Variants in ZNF227 observed in about 807,000 individuals in gnomAD.
The protein encoded by ZNF227 is zinc finger protein 227.
ZNF227 carries 12 observed loss-of-function variants against 13.2 expected under a neutral mutation model. The ratio of observed to expected loss-of-function variants is 0.91; its 90% CI spans 0.58 to 1.47. The LOEUF (loss-of-function observed/expected upper bound fraction) is 1.47. ZNF227 is among the 40% of genes most tolerant of loss of function. The pLI is 0.00. For missense variants in ZNF227, 885 were observed against 967.5 expected, an observed-to-expected ratio of 0.91 and a Z score of 1.13; for synonymous variants, 338 against 326.0, an observed-to-expected ratio of 1.04 and a Z score of -0.40.
At chr19:44,208,968 G>T (rs972027225), upstream of ZNF227, among the ~76,000 whole-genome samples, 1 of 152,176 alleles carries the variant, frequency 6.6e-6, no homozygotes, top group Admixed American at 6.5e-5. Flanking sequence ...CCAGCTACTT[G>T]GGAGGCTGAG....
intron 3 of ZNF227, among the ~76,000 whole-genome samples, chr19:44,226,933 T>C (rs1052450902): frequency 6.6e-6 from 1 of 152,202 alleles, no homozygotes; most frequent in Non-Finnish European, 1.5e-5. Flanking sequence ...CCCTCAAAAC[T>C]TTTAAAGTAA....
intron 3 of ZNF227, among the ~76,000 whole-genome samples, chr19:44,225,572 TTC>T (rs1295502219): frequency 6.6e-6 from 1 of 152,228 alleles, no homozygotes; most frequent in Non-Finnish European, 1.5e-5. Flanking sequence ...CTCCTGAGGC[TTC>T]TGCATTCTTC....
intron 3 of ZNF227, among the ~76,000 whole-genome samples, chr19:44,220,360 C>T (rs1304630453): frequency 3.3e-5 from 5 of 152,094 alleles, no homozygotes; most frequent in Non-Finnish European, 5.9e-5. Flanking sequence ...GCCACACTGA[C>T]TTCCACAATG....
At chr19:44,218,410 T>G (rs1972109885) in intron 3 of ZNF227, among the ~76,000 whole-genome samples, 1 of 152,238 alleles carries the variant, frequency 6.6e-6, no homozygotes, top group Admixed American at 6.5e-5. Context: ...TTTTAGGAAC[T>G]CTGCATTGAA....
intron 2 of ZNF227, among the ~76,000 whole-genome samples, chr19:44,215,879 T>C (rs541194976): frequency 1.3e-5 from 2 of 151,128 alleles, no homozygotes; most frequent in Non-Finnish European, 2.9e-5. Flanking sequence ...TCCCAGCTAC[T>C]CAGGAGGCTG....
At position 44,236,800 on chromosome 19, in the gene ZNF227, T is replaced by A; in HGVS notation, c.2370T>A (p.His790Gln). The change falls in exon 6 of 6, where the codon CAT becomes CAA. Residue 790 changes from histidine (H) to glutamine (Q), a missense_variant. Transcript: ENST00000313040. ...DFRHRSRLTY[H>Q]QKVHTGKKL Reference sequence around the variant, plus strand: ...GTCACCGTTCACGTCTTACATATCATCAGAAAGTCCATACTGGTAAAAAGC... The same window carrying A: ...GTCACCGTTCACGTCTTACATATCAACAGAAAGTCCATACTGGTAAAAAGC... The A allele has an allele frequency of 6.3e-7, 1 of 1,594,048 alleles. No individual in the cohort carries two copies.
At chr19:44,218,032 T>C (rs1243451309) in intron 3 of ZNF227, among the ~76,000 whole-genome samples, 180 bp downstream of exon 3, 1 of 152,224 alleles carries the variant, frequency 6.6e-6, no homozygotes, top group Admixed American at 6.5e-5. Context: ...CAAAACAGTG[T>C]TTGAAAAAAT....
At position 44,219,422 on chromosome 19, in the gene ZNF227, T is replaced by C. The variant is rs188331589; in HGVS notation, c.60+1570T>C. 2.7e-3 allele frequency among the ~76,000 whole-genome samples: 404 copies of C among 152,306 alleles called. 5 individuals are homozygous for C. Among genetic ancestry groups the C allele is most frequent in the African/African-American group, 9.1e-3 (380 of 41,550 alleles). On this transcript the variant is annotated intron_variant, in intron 3 of 5. Coordinates refer to ENST00000313040, the MANE Select transcript of ZNF227 (RefSeq NM_182490.3). ...AACATTAGGTAAAGGTCTAATAGCTTAAATTCCTGTTAAGATTAGTAATAT... is the reference window on the plus strand; with the variant it reads ...AACATTAGGTAAAGGTCTAATAGCTCAAATTCCTGTTAAGATTAGTAATAT...
At chr19:44,231,381 G>A (rs765519735) in intron 5 of ZNF227, among the ~76,000 whole-genome samples, 22 of 151,990 alleles carry the variant, frequency 1.4e-4, no homozygotes, top group Non-Finnish European at 8.8e-5. Context: ...TGTCACCCAG[G>A]CTGGAGTGCA....
At chr19:44,226,235 C>G (rs1973140332) in intron 3 of ZNF227, among the ~76,000 whole-genome samples, 1 of 152,190 alleles carries the variant, frequency 6.6e-6, no homozygotes. Flanking sequence ...GGTCAAGGAC[C>G]CACTTCAGGA....
chr19:44,210,429 G>A (rs1000159028), upstream of ZNF227, among the ~76,000 whole-genome samples: 8 of 152,092 alleles, frequency 5.3e-5, no homozygotes, highest in African/African-American at 1.9e-4. Context: ...AAGAAAAAGG[G>A]GACAGAAGAA....
intron 3 of ZNF227, among the ~76,000 whole-genome samples, chr19:44,227,501 G>T (rs1008629306): frequency 6.6e-6 from 1 of 152,038 alleles, no homozygotes; most frequent in African/African-American, 2.4e-5. Flanking sequence ...GCCCGCCTCG[G>T]CCTCCCAAAG....
Position 44,235,891 on chromosome 19 carries a change from G to A in ZNF227, c.1461G>A (p.Thr487=), listed in dbSNP as rs769155202. 1.1e-5 allele frequency: 18 copies of A among 1,613,096 alleles called. No homozygotes were observed. Among genetic ancestry groups the A allele is most frequent in the Middle Eastern group, 1.7e-4 (1 of 6,054 alleles). Residue 487 remains threonine, a synonymous_variant, in exon 6 of 6, where the codon ACG becomes ACA. Transcript: ENST00000313040. ...TDLHIHFRVH[T]GEKPYKCKEC... Reference sequence around the variant, plus strand: ...TGCATATTCATTTCAGAGTTCACACGGGAGAGAAACCCTATAAATGTAAGG... The same window carrying A: ...TGCATATTCATTTCAGAGTTCACACAGGAGAGAAACCCTATAAATGTAAGG...
intron 3 of ZNF227, among the ~76,000 whole-genome samples, chr19:44,218,091 A>G (rs1972084290): frequency 6.6e-6 from 1 of 152,218 alleles, no homozygotes; most frequent in African/African-American, 2.4e-5. Context: ...CTGCTTATGA[A>G]CTAGCTTTTT....
upstream of ZNF227, among the ~76,000 whole-genome samples, chr19:44,212,257 C>T (rs1490942960): frequency 6.6e-6 from 1 of 151,946 alleles, no homozygotes; most frequent in Non-Finnish European, 1.5e-5. Context: ...AGAACTGCTT[C>T]AGCCTGGCTA....
intron 5 of ZNF227, among the ~76,000 whole-genome samples, chr19:44,232,666 T>C (rs1973963756): frequency 6.6e-6 from 1 of 151,742 alleles, no homozygotes; most frequent in East Asian, 1.9e-4. Context: ...AATTGCTTGT[T>C]TTTTTGTTTT....
chr19:44,235,146 C>T lies in ZNF227; in HGVS notation c.716C>T (p.Ser239Phe), dbSNP rs1023892449. 6 of 1,614,006 alleles carry T rather than the reference C, an allele frequency of 3.7e-6. No homozygotes were observed. The highest frequency in any genetic ancestry group is 1.1e-5 in the South Asian group (1 of 91,088). The change falls in exon 6 of 6, where the codon TCC becomes TTC. Residue 239 changes from serine to phenylalanine, a missense_variant. Physicochemically the swap from Ser to Phe is radical, Grantham distance 155. Transcript: ENST00000313040. ...NEYGKIISDGSNQKLPLGEKP... is the reference protein window; with the variant it reads ...NEYGKIISDGFNQKLPLGEKP... ...TATGGCAAAATCATTAGTGATGGCT[C>T]CAATCAGAAATTACCCTTAGGAGAG...
In ZNF227 at chr19:44,220,764, C is replaced by T. The variant is rs757461879; in HGVS notation, c.60+2912C>T. Among the ~76,000 whole-genome samples the T allele has an allele frequency of 3.2e-4, 48 of 152,192 alleles. No homozygotes were observed. In the East Asian group the frequency reaches 3.9e-3, roughly 12 times the overall value. On this transcript the variant is annotated intron_variant, in intron 3 of 5. Coordinates refer to ENST00000313040, the MANE Select transcript of ZNF227 (RefSeq NM_182490.3). ...TGCTGGTGTGCTGCACCCATTAACTCGTCATTTAGCATTAGGTATATCTGC... is the reference window on the plus strand; with the variant it reads ...TGCTGGTGTGCTGCACCCATTAACTTGTCATTTAGCATTAGGTATATCTGC...
chr19:44,233,496 C>T (rs188511248), intron 5 of ZNF227, among the ~76,000 whole-genome samples: 8 of 152,014 alleles, frequency 5.3e-5, no homozygotes, highest in African/African-American at 1.7e-4. Context: ...TTTTCATGAC[C>T]GTTACATTCT....
Sources: gnomAD v4.1 joint callset for allele counts (sites outside exome capture counted in the v4.1 genomes callset) on GRCh38, gnomAD v4.1.1 for gene constraint, MANE v1.5 for transcripts, NCBI Gene and HGNC (gene_info 2026-07-23, HGNC 2026-07-21) for gene names.